The following PFKFB3 variants were observed in gnomAD, a reference collection of about 807,000 sequenced individuals.
PFKFB3 encodes the protein 6-phosphofructo-2-kinase/fructose-2,6-biphosphatase 3.
Under a neutral mutation model 68.0 loss-of-function variants are expected in PFKFB3, and 33 were observed. The ratio of observed to expected loss-of-function variants is 0.49; its 90% confidence interval spans 0.37 to 0.65. The LOEUF (loss-of-function observed/expected upper bound fraction) is 0.65. PFKFB3 is among the 30% of genes least tolerant of loss of function. The pLI is 0.00. For missense variants in PFKFB3, 586 were observed against 712.2 expected, an observed-to-expected ratio of 0.82 and a Z score of 2.02; for synonymous variants, 315 against 288.2, an observed-to-expected ratio of 1.09 and a Z score of -0.94.
chr10:6,318,262 G>T, the PFKFB3 span, among the ~76,000 whole-genome samples: 2 of 152,308 alleles, frequency 1.3e-5, no homozygotes, highest in South Asian at 4.1e-4. Context: ...CCTGGGAGCA[G>T]ATGCATCTTG....
the PFKFB3 span, chr10:6,294,522 C>T: frequency 0.026 from 4,867 of 184,102 alleles, 235 homozygotes; most frequent in African/African-American, 0.11. Context: ...AAAGACCCGC[C>T]CTCATGATTC....
the PFKFB3 span, among the ~76,000 whole-genome samples, chr10:6,301,684 G>A: frequency 6.6e-6 from 1 of 152,210 alleles, no homozygotes; most frequent in South Asian, 2.1e-4. Flanking sequence ...CTCAAGAGCA[G>A]CTCAGCTCAA....
At chr10:6,278,653 T>A in the PFKFB3 span, among the ~76,000 whole-genome samples, 6 of 152,306 alleles carry the variant, frequency 3.9e-5, no homozygotes, top group South Asian at 1.2e-3. Flanking sequence ...TGGAATAAAA[T>A]AGCCATCTGC....
chr10:6,154,297 G>A lies in PFKFB3; in HGVS notation c.16+9284G>A, dbSNP rs1235688187. Among the ~76,000 whole-genome samples the A allele has an allele frequency of 6.6e-6, 1 of 151,526 alleles. No homozygotes were observed. The highest frequency in any genetic ancestry group is 1.5e-5 in the Non-Finnish European group (1 of 67,928). ...GTCCCACTCTGTTGGCCAGGCTGGAGTGCAGTGGCGCGTTCTCGGCTCACT... is the reference window on the plus strand; with the variant it reads ...GTCCCACTCTGTTGGCCAGGCTGGAATGCAGTGGCGCGTTCTCGGCTCACT... On this transcript the variant is annotated intron_variant, in intron 1 of 14. Transcript: ENST00000379789. The surrounding 1 kb of genome is among the most constrained non-coding windows in gnomAD (Gnocchi z 4.6).
In PFKFB3 at chr10:6,216,166, TGGCGAAAGAAG is replaced by T; in HGVS notation, c.344_354del (p.Ala115GlyfsTer13). On this transcript the variant is annotated frameshift_variant, in exon 4 of 15. Transcript: ENST00000379775. LOFTEE classifies it high-confidence loss of function. The stretch of plus-strand genomic sequence containing the variant: ...GCCTTGAGAGATGTCAAAAGCTACC[TGGCGAAAGAAG>T]GGGGACAAATTGCGGTAAGTCCAGG... The T allele has an allele frequency of 1.2e-6, 2 of 1,614,172 alleles. No homozygotes were observed. Among genetic ancestry groups the T allele is most frequent in the Non-Finnish European group, 8.5e-7 (1 of 1,180,004 alleles).
At chr10:6,324,266 A>G in the PFKFB3 span, among the ~76,000 whole-genome samples, 1 of 152,216 alleles carries the variant, frequency 6.6e-6, no homozygotes, top group Admixed American at 6.5e-5. Context: ...AGTCAAATTC[A>G]TAGAGACAGA....
At chr10:6,277,031 C>G in the PFKFB3 span, among the ~76,000 whole-genome samples, 3 of 152,202 alleles carry the variant, frequency 2.0e-5, no homozygotes, top group African/African-American at 7.2e-5. Context: ...CAACCACTAA[C>G]CTGTTCCCCA....
intron 1 of PFKFB3, among the ~76,000 whole-genome samples, chr10:6,210,674 A>G (rs7895111): frequency 0.93 from 13 of 14 alleles, 6 homozygotes; most frequent in Non-Finnish European, 1. Context: ...TAGCCAGGAT[A>G]GTCTTGATAG....
In PFKFB3 at chr10:6,251,117, A is replaced by C. The variant is rs574027578; in HGVS notation, c.1516-3061A>C. Among the ~76,000 whole-genome samples the C allele has an allele frequency of 5.3e-5, 8 of 152,356 alleles. No homozygotes were observed. The South Asian group carries it at 1.7e-3, about 32-fold the overall frequency. Reference sequence around the variant, plus strand: ...AAACCATTGAACCAGGAAAACCCAAAATATATTTTCCAGCTCAAATATTTC... The same window carrying C: ...AAACCATTGAACCAGGAAAACCCAACATATATTTTCCAGCTCAAATATTTC... On this transcript the variant is annotated intron_variant, in intron 14 of 14. Transcript: ENST00000640683.
At chr10:6,185,244 T>C (rs1842837421) in intron 1 of PFKFB3, among the ~76,000 whole-genome samples, 1 of 152,122 alleles carries the variant, frequency 6.6e-6, no homozygotes, top group Non-Finnish European at 1.5e-5. Context: ...TGGGGGTGGA[T>C]TACAGAAAGA....
chr10:6,277,760 A>G, the PFKFB3 span: 1 of 429,386 alleles, frequency 2.3e-6, no homozygotes, highest in Non-Finnish European at 4.7e-6. Flanking sequence ...AGCCTAAGGA[A>G]CTATGAGCCA....
the PFKFB3 span, among the ~76,000 whole-genome samples, chr10:6,317,778 G>A: frequency 6.6e-6 from 1 of 152,178 alleles, no homozygotes; most frequent in African/African-American, 2.4e-5. Flanking sequence ...ACAATTTGGA[G>A]ACAGAGGCTG....
chr10:6,282,045 C>T, the PFKFB3 span, among the ~76,000 whole-genome samples: 1 of 151,492 alleles, frequency 6.6e-6, no homozygotes, highest in South Asian at 2.1e-4. Flanking sequence ...TCACGGCACA[C>T]TACAGGTTCG....
At position 6,219,656 on chromosome 10, in the gene PFKFB3, G is replaced by A. The variant is rs758918175; in HGVS notation, c.586G>A (p.Ala196Thr). The A allele has an allele frequency of 7.4e-6, 12 of 1,613,908 alleles. No individual in the cohort carries two copies. The Admixed American group carries it at 1.3e-4, about 18-fold the overall frequency. ...CATGAAGAGGATCAGTTGCTATGAA[G>A]CCAGCTACCAGCCCCTCGACCCCGA... ...DFMKRISCYEASYQPLDPDKC... is the reference protein window; with the variant it reads ...DFMKRISCYETSYQPLDPDKC... The change falls in exon 7 of 15, where the codon GCC (alanine) becomes ACC (threonine). Residue 196 changes from alanine (A) to threonine (T), a missense_variant. Ala to Thr is a moderately conservative substitution (Grantham distance 58, BLOSUM62 0). Transcript: ENST00000379775.
At chr10:6,165,979 T>C (rs1166697920) in intron 1 of PFKFB3, among the ~76,000 whole-genome samples, 1 of 84,016 alleles carries the variant, frequency 1.2e-5, no homozygotes, top group East Asian at 6.1e-4. Context: ...CAGGCTCAAC[T>C]TTTTTTTTTT....
the PFKFB3 span, among the ~76,000 whole-genome samples, chr10:6,302,988 A>G: frequency 2.0e-5 from 3 of 152,140 alleles, 1 homozygote; most frequent in African/African-American, 7.2e-5. Context: ...TTGTGAGATA[A>G]CACAGGAGCG....
At chr10:6,211,357 T>G (rs1177602734) in intron 1 of PFKFB3, among the ~76,000 whole-genome samples, 1 of 152,240 alleles carries the variant, frequency 6.6e-6, no homozygotes, top group Non-Finnish European at 1.5e-5. Context: ...TCTGCGTATG[T>G]GCACAGCTGA....
chr10:6,291,604 T>G, the PFKFB3 span, among the ~76,000 whole-genome samples: 3 of 151,104 alleles, frequency 2.0e-5, no homozygotes, highest in Non-Finnish European at 4.4e-5. Flanking sequence ...AATTTTTACA[T>G]TCAATCTATA....
chr10:6,281,672 T>G, the PFKFB3 span, among the ~76,000 whole-genome samples: 5 of 152,062 alleles, frequency 3.3e-5, no homozygotes, highest in Non-Finnish European at 5.9e-5. Context: ...TTTTCTATGC[T>G]TTTTTTAAAA....
Sources: gnomAD v4.1 joint callset for allele counts (sites outside exome capture counted in the v4.1 genomes callset) on GRCh38, gnomAD v4.1.1 for gene constraint, Gnocchi (gnomAD v3.1) non-coding constraint, MANE v1.5 for transcripts, NCBI Gene and HGNC (gene_info 2026-07-23, HGNC 2026-07-21) for gene names.